Variants in ATP9A observed in about 807,000 individuals in gnomAD.
The protein encoded by ATP9A is ATPase phospholipid transporting 9A.
Under a neutral mutation model 144.1 loss-of-function variants are expected in ATP9A, and 52 were observed. The ratio of observed to expected loss-of-function variants is 0.36; its 90% CI spans 0.29 to 0.45. The LOEUF is 0.45. Among genes scored for constraint, ATP9A ranks in the 20% least tolerant of loss-of-function variants. The pLI, the probability that ATP9A is intolerant of heterozygous loss-of-function variation, is 1.00. For missense variants in ATP9A, 947 were observed against 1,392.7 expected, an observed-to-expected ratio of 0.68 and a Z score of 5.09; for synonymous variants, 582 against 557.4, an observed-to-expected ratio of 1.04 and a Z score of -0.62.
intron 15 of ATP9A, 110 bp downstream of exon 15, chr20:51,639,233 G>T: frequency 1.7e-6 from 2 of 1,197,502 alleles, no homozygotes; most frequent in Non-Finnish European, 2.3e-6. Context: ...TGTTAGTCTG[G>T]GTGACAGATA....
intron 14 of ATP9A, among the ~76,000 whole-genome samples, chr20:51,641,333 T>C (rs1253494347): frequency 1.3e-5 from 2 of 151,970 alleles, no homozygotes; most frequent in Non-Finnish European, 2.9e-5. Flanking sequence ...CACTCCAGCC[T>C]GGACAACAGA....
intron 1 of ATP9A, among the ~76,000 whole-genome samples, chr20:51,740,834 C>T (rs892909207): frequency 1.3e-5 from 2 of 151,862 alleles, no homozygotes; most frequent in African/African-American, 4.8e-5. Context: ...TTCAGCCTCT[C>T]AAAGTGCTGG....
chr20:51,621,306 C>T (rs1204297211), intron 19 of ATP9A, among the ~76,000 whole-genome samples: 1 of 152,104 alleles, frequency 6.6e-6, no homozygotes, highest in African/African-American at 2.4e-5. Context: ...CTATACAATA[C>T]TATGCTATTT....
chr20:51,608,738 T>C (rs2077173575), intron 24 of ATP9A, 112 bp from the exon 25 acceptor site: 1 of 714,206 alleles, frequency 1.4e-6, no homozygotes, highest in Non-Finnish European at 2.5e-6. Context: ...TATTTACTGC[T>C]TGTCTATTAT....
chr20:51,636,067 A>G (rs550018702), intron 15 of ATP9A, among the ~76,000 whole-genome samples: 1 of 152,302 alleles, frequency 6.6e-6, no homozygotes, highest in South Asian at 2.1e-4. Flanking sequence ...TTAATTTATG[A>G]ATTAGGCACA....
At chr20:51,736,528 CT>C (rs1337479488) in intron 1 of ATP9A, among the ~76,000 whole-genome samples, 1 of 132,384 alleles carries the variant, frequency 7.6e-6, no homozygotes, top group African/African-American at 2.8e-5. Flanking sequence ...TTTTTTTTTC[CT>C]TTTTCTGGAG....
chr20:51,705,814 A>G (rs1203106314), intron 4 of ATP9A, among the ~76,000 whole-genome samples: 1 of 152,192 alleles, frequency 6.6e-6, no homozygotes, highest in African/African-American at 2.4e-5. Flanking sequence ...TTCTTTTCCA[A>G]TCCAACCCAA....
At chr20:51,702,401 T>TGTGTGTGTGTGTGTGC (rs1171092580) in intron 4 of ATP9A, among the ~76,000 whole-genome samples, 1 of 150,222 alleles carries the variant, frequency 6.7e-6, no homozygotes, top group African/African-American at 2.5e-5. Context: ...TGTGTGTGTG[T>TGTGTGTGTGTGTGTGC]GTGCATGTAA....
chr20:51,732,546 C>T (rs2077746635), intron 1 of ATP9A: 1 of 152,188 alleles, frequency 6.6e-6, no homozygotes, highest in African/African-American at 2.4e-5. Context: ...CATGATGAAA[C>T]ACAATGCTCT....
At chr20:51,663,560 T>C (rs6123064) in intron 13 of ATP9A, among the ~76,000 whole-genome samples, 151,701 of 152,078 alleles carry the variant, frequency 1, 75,662 homozygotes, top group Middle Eastern at 1. Flanking sequence ...TTTGGGAGGC[T>C]GAGGCGGGCG....
intron 11 of ATP9A, among the ~76,000 whole-genome samples, chr20:51,672,243 T>C (rs1170706275): frequency 1.3e-5 from 2 of 152,212 alleles, no homozygotes; most frequent in African/African-American, 4.8e-5. Context: ...AGAATTTCCT[T>C]CCTTTTGAAG....
intron 14 of ATP9A, among the ~76,000 whole-genome samples, chr20:51,652,423 A>G (rs922656535): frequency 5.9e-5 from 9 of 152,246 alleles, no homozygotes; most frequent in Admixed American, 3.9e-4. Flanking sequence ...AGTAAAATGC[A>G]TACTGGTTTC....
intron 1 of ATP9A, among the ~76,000 whole-genome samples, chr20:51,747,557 TA>T (rs1035460941): frequency 6.6e-6 from 1 of 152,226 alleles, no homozygotes; most frequent in Non-Finnish European, 1.5e-5. Flanking sequence ...TGTATTTTAA[TA>T]CCAAAATATG....
chr20:51,617,235 A>G (rs2077206838), intron 22 of ATP9A, among the ~76,000 whole-genome samples: 1 of 151,890 alleles, frequency 6.6e-6, no homozygotes, highest in Non-Finnish European at 1.5e-5. Context: ...GTGAGCCACC[A>G]CACCGGGCCT....
rs1448087751 is a variant in ATP9A, at chr20:51,600,082, G to GGAA, written c.*1126_*1128dup. The GGAA allele has an allele frequency of 6.6e-6, 1 of 152,166 alleles. No individual in the cohort carries two copies. Among genetic ancestry groups the GGAA allele is most frequent in the Admixed American group, 6.5e-5 (1 of 15,268 alleles). The allele number at this position is 152,166 out of a possible 1,614,324, so 9.4% of individuals were successfully genotyped here. On this transcript the variant is annotated 3_prime_UTR_variant, in exon 28 of 28. Coordinates refer to ENST00000338821, the MANE Select transcript of ATP9A (RefSeq NM_006045.3). Reference sequence around the variant, plus strand: ...GTTCCCCTTGAAATCTGCCGGCAGTGGAACAGATCCCAGATCCCAACGCTG... The same window carrying GGAA: ...GTTCCCCTTGAAATCTGCCGGCAGTGGAAGAACAGATCCCAGATCCCAACGCTG...
intron 9 of ATP9A, among the ~76,000 whole-genome samples, chr20:51,683,317 T>C (rs2077508453): frequency 6.6e-6 from 1 of 151,914 alleles, no homozygotes; most frequent in South Asian, 2.1e-4. Context: ...CAGGCTGGAG[T>C]GCAGTGGTGC....
intron 7 of ATP9A, among the ~76,000 whole-genome samples, chr20:51,692,848 G>T (rs2077554050): frequency 1.3e-5 from 2 of 152,126 alleles, no homozygotes; most frequent in African/African-American, 4.8e-5. Context: ...AAAATTAACA[G>T]TAATAATGGT....
chr20:51,617,365 A>G (rs2077207377), intron 22 of ATP9A, 125 bp downstream of exon 22: 2 of 991,730 alleles, frequency 2.0e-6, no homozygotes, highest in African/African-American at 1.6e-5. Context: ...TAACTGTGAC[A>G]CATGATTCCT....
intron 2 of ATP9A, among the ~76,000 whole-genome samples, chr20:51,728,241 C>A (rs376700871): frequency 2.0e-5 from 3 of 152,294 alleles, no homozygotes; most frequent in South Asian, 4.1e-4. Context: ...TCAGACTTTC[C>A]ATGAATGAGA....
Sources: allele counts gnomAD v4.1 joint callset (sites outside exome capture counted in the v4.1 genomes callset), GRCh38; gene constraint gnomAD v4.1.1; transcripts MANE v1.5; gene names NCBI Gene and HGNC (gene_info 2026-07-23, HGNC 2026-07-21).